ACTR2: variants seen among roughly 807,000 people sequenced by gnomAD.
ACTR2 encodes actin related protein 2.
A neutral mutation model predicts 50.2 loss-of-function variants in ACTR2; 5 were observed. The observed-to-expected ratio is 0.10, with a 90% confidence interval of 0.05 to 0.21. The LOEUF is 0.21. ACTR2 is among the 10% of genes least tolerant of loss of function. The pLI is 1.00. For missense variants in ACTR2, 180 were observed against 480.6 expected, an observed-to-expected ratio of 0.37 and a Z score of 5.85; for synonymous variants, 140 against 162.9, an observed-to-expected ratio of 0.86 and a Z score of 1.07.
chr2:65,246,599 G>C lies in ACTR2; in HGVS notation c.235G>C (p.Val79Leu). 6.2e-7 allele frequency: 1 copy of C among 1,613,470 alleles called. No homozygotes were observed. The highest frequency in any genetic ancestry group is 8.5e-7 in the Non-Finnish European group (1 of 1,179,660). ...EVNYPMENGI[V>L]RNWDDMKHLW... The stretch of plus-strand genomic sequence containing the variant: ...TAACTACCCTATGGAAAATGGCATA[G>C]TACGAAATTGGGATGACATGAAACA... The change falls in exon 3 of 9, where the codon GTA becomes CTA. Residue 79 changes from valine to leucine, a missense_variant. Val to Leu is a conservative substitution (Grantham distance 32). Coordinates refer to ENST00000260641, the MANE Select transcript of ACTR2 (RefSeq NM_005722.4).
At position 65,261,327 on chromosome 2, in the gene ACTR2, T is replaced by C. The variant is rs1443543461; in HGVS notation, c.816T>C (p.Asn272=). 4 of 1,613,948 alleles carry C rather than the reference T, an allele frequency of 2.5e-6. No individual in the cohort carries two copies. Among genetic ancestry groups the C allele is most frequent in the Non-Finnish European group, 3.4e-6 (4 of 1,179,988 alleles). Reference sequence around the variant, plus strand: ...CTTTATTTCAGCCTCACTTGATCAATGTTGAAGGAGTTGGTGTTGCTGAAT... The same window carrying C: ...CTTTATTTCAGCCTCACTTGATCAACGTTGAAGGAGTTGGTGTTGCTGAAT... ...PEALFQPHLI[N]VEGVGVAELL... The change falls in exon 7 of 9, where the codon AAT becomes AAC. Residue 272 remains asparagine (N), a synonymous_variant. Transcript: ENST00000260641.
intron 8 of ACTR2, 36 bp from the exon 9 acceptor site, chr2:65,268,528 C>T (rs1345982595): frequency 1.3e-6 from 2 of 1,589,466 alleles, no homozygotes; most frequent in South Asian, 2.3e-5. Context: ...GCACTGTGCA[C>T]ATGTACCATT....
At chr2:65,252,149 T>C (rs557679417) in intron 4 of ACTR2, among the ~76,000 whole-genome samples, 1 of 152,168 alleles carries the variant, frequency 6.6e-6, no homozygotes, top group Admixed American at 6.5e-5. Flanking sequence ...GGAGGGCTCT[T>C]TGGGAAATAA....
chr2:65,263,814 T>A (rs980535298), intron 7 of ACTR2, among the ~76,000 whole-genome samples: 1 of 72,142 alleles, frequency 1.4e-5, no homozygotes, highest in Non-Finnish European at 2.9e-5. Context: ...CTGAGGCCGG[T>A]GAATCACGAG....
chr2:65,233,865 C>T (rs1050407982), intron 1 of ACTR2, among the ~76,000 whole-genome samples: 2 of 152,224 alleles, frequency 1.3e-5, no homozygotes, highest in African/African-American at 2.4e-5. Context: ...CCTGCCTTGG[C>T]CTCCTAAAGT....
intron 1 of ACTR2, among the ~76,000 whole-genome samples, chr2:65,230,465 G>C (rs1297463558): frequency 6.9e-6 from 1 of 144,276 alleles, no homozygotes. Flanking sequence ...AGGCTGGAGA[G>C]CGATGGCGTG....
chr2:65,242,796 A>G (rs1671865608), intron 2 of ACTR2: 6 of 261,436 alleles, frequency 2.3e-5, no homozygotes, highest in South Asian at 1.9e-4. Flanking sequence ...TGTAGTAGAT[A>G]CTTTTCAAGT....
chr2:65,233,496 AT>A (rs1456291780), intron 1 of ACTR2, among the ~76,000 whole-genome samples: 2 of 151,862 alleles, frequency 1.3e-5, no homozygotes, highest in Non-Finnish European at 2.9e-5. Context: ...TCCACAAAAA[AT>A]AATATAATTT....
At chr2:65,256,738 G>T (rs1672155592) in intron 6 of ACTR2, among the ~76,000 whole-genome samples, 1 of 152,074 alleles carries the variant, frequency 6.6e-6, no homozygotes, top group Admixed American at 6.6e-5. Flanking sequence ...TGGGCAAGGT[G>T]GTGGGCACCT....
intron 8 of ACTR2, among the ~76,000 whole-genome samples, chr2:65,265,628 C>T (rs1012767213): frequency 2.6e-5 from 4 of 152,186 alleles, no homozygotes; most frequent in African/African-American, 9.7e-5. Flanking sequence ...CATCATGTCT[C>T]AAAATTTTTT....
intron 8 of ACTR2, among the ~76,000 whole-genome samples, chr2:65,267,149 A>G (rs532613862): frequency 2.6e-4 from 40 of 152,310 alleles, no homozygotes; most frequent in African/African-American, 9.1e-4. Flanking sequence ...GTGGTCATCT[A>G]TAGCCCTTAT....
chr2:65,265,288 C>A, intron 8 of ACTR2, 113 bp downstream of exon 8: 1 of 1,204,700 alleles, frequency 8.3e-7, no homozygotes, highest in Non-Finnish European at 1.2e-6. Flanking sequence ...CAAATTCCTA[C>A]TGCAGTCAAG....
intron 4 of ACTR2, among the ~76,000 whole-genome samples, chr2:65,253,002 G>T (rs536623871): frequency 5.3e-5 from 8 of 152,288 alleles, no homozygotes; most frequent in African/African-American, 1.9e-4. Flanking sequence ...TCAAAGTGAT[G>T]CTTTGGCTAG....
rs7586418 is a variant in ACTR2, at chr2:65,261,532, A to G, written c.881+140A>G. 2,542 of 883,530 alleles carry G rather than the reference A, an allele frequency of 2.9e-3. 52 individuals are homozygous for G. In the African/African-American group the frequency reaches 0.038, roughly 13 times the overall value. The allele number at this position is 883,530 out of a possible 1,614,324, so 54.7% of individuals were successfully genotyped here. The stretch of plus-strand genomic sequence containing the variant: ...ACTTGAAATAATTTCAGACTTACGG[A>G]AAGGTTGCAAGAAAAATGCAGAAAA... On this transcript the variant is annotated intron_variant, in intron 7 of 8. Coordinates refer to ENST00000260641, the MANE Select transcript of ACTR2 (RefSeq NM_005722.4).
chr2:65,243,712 C>G (rs888034187), intron 2 of ACTR2, among the ~76,000 whole-genome samples: 1 of 152,158 alleles, frequency 6.6e-6, no homozygotes, highest in African/African-American at 2.4e-5. Context: ...CTTGAGTTTA[C>G]TCTGTATTCT....
chr2:65,232,666 GA>G (rs1671661881), intron 1 of ACTR2, among the ~76,000 whole-genome samples: 2 of 150,070 alleles, frequency 1.3e-5, no homozygotes, highest in African/African-American at 4.9e-5. Context: ...TTTTTTTGAA[GA>G]GAAAAAAAAA....
At chr2:65,265,602 C>T (rs1015501080) in intron 8 of ACTR2, among the ~76,000 whole-genome samples, 11 of 152,330 alleles carry the variant, frequency 7.2e-5, no homozygotes, top group African/African-American at 2.4e-4. Context: ...GTTGTCTTCT[C>T]AGTCAGATTG....
At chr2:65,237,550 CTA>C (rs1381685185) in intron 1 of ACTR2, among the ~76,000 whole-genome samples, 1 of 152,070 alleles carries the variant, frequency 6.6e-6, no homozygotes, top group Non-Finnish European at 1.5e-5. Context: ...CGTAAACAGA[CTA>C]TACAAGAATT....
chr2:65,248,745 G>T (rs1313844052), intron 3 of ACTR2, among the ~76,000 whole-genome samples: 1 of 152,130 alleles, frequency 6.6e-6, no homozygotes, highest in Non-Finnish European at 1.5e-5. Context: ...CGTTATTGAG[G>T]CCGGGCTAGG....
Sources: gnomAD v4.1 joint callset for allele counts (sites outside exome capture counted in the v4.1 genomes callset) on GRCh38, gnomAD v4.1.1 for gene constraint, MANE v1.5 for transcripts, NCBI Gene and HGNC (gene_info 2026-07-23, HGNC 2026-07-21) for gene names.